The following BARX2 variants were observed in gnomAD, a reference collection of about 807,000 sequenced individuals.
BARX2 encodes the protein BARX homeobox 2.
A neutral mutation model predicts 25.5 loss-of-function variants in BARX2; 11 were observed. That is an observed-to-expected ratio of 0.43 (90% CI 0.27 to 0.71). The LOEUF (loss-of-function observed/expected upper bound fraction) is 0.71, where lower values mean the gene tolerates loss of function less well. BARX2 is among the 30% of genes least tolerant of loss of function. The pLI is 0.19. For synonymous variants in BARX2, 137 were observed against 149.5 expected (o/e 0.92, Z 0.61); for missense variants, 360 against 359.9 (o/e 1.00, Z 0.00).
chr11:129,421,545 A>G (rs1862004243), intron 1 of BARX2, among the ~76,000 whole-genome samples: 1 of 152,238 alleles, frequency 6.6e-6, no homozygotes, highest in Non-Finnish European at 1.5e-5. Context: ...GAGAAAATCA[A>G]TGGGATTCCA....
intron 1 of BARX2, among the ~76,000 whole-genome samples, chr11:129,392,541 A>G (rs1407804018): frequency 6.6e-6 from 1 of 152,230 alleles, no homozygotes; most frequent in Non-Finnish European, 1.5e-5. Context: ...CACACATAAC[A>G]GGAAACACTG....
In BARX2 at chr11:129,444,082, C is replaced by T. The variant is rs77160529; in HGVS notation, c.573+1163C>T. Among the ~76,000 whole-genome samples the T allele has an allele frequency of 3.9e-3, 588 of 151,546 alleles. 2 individuals are homozygous for T. Among genetic ancestry groups the T allele is most frequent in the African/African-American group, 0.013 (550 of 40,998 alleles). On this transcript the variant is annotated intron_variant, in intron 3 of 3. Transcript: ENST00000281437. ...GTTTTTCACAATAATCAAATAACTA[C>T]GGGGTTCTGCCAACCCCAGTTTTCA...
chr11:129,408,709 T>G (rs1861857391), intron 1 of BARX2, among the ~76,000 whole-genome samples: 1 of 152,178 alleles, frequency 6.6e-6, no homozygotes, highest in Admixed American at 6.5e-5. Flanking sequence ...CCATACATGC[T>G]CCATCACTGA....
intron 1 of BARX2, among the ~76,000 whole-genome samples, chr11:129,433,575 C>T (rs1862152793): frequency 6.6e-6 from 1 of 152,198 alleles, no homozygotes. Context: ...CCCTTGCCTA[C>T]TCTGCCTTTC....
intron 2 of BARX2, among the ~76,000 whole-genome samples, chr11:129,439,950 C>T (rs1591447283): frequency 6.6e-6 from 1 of 152,214 alleles, no homozygotes; most frequent in African/African-American, 2.4e-5. Context: ...CTTAAACCTC[C>T]TGGGGCTCCC....
At chr11:129,437,928 A>G (rs1418635619) in intron 2 of BARX2, 5 of 152,366 alleles carry the variant, frequency 3.3e-5, no homozygotes, top group Non-Finnish European at 7.3e-5. Flanking sequence ...CAAGAGGCTA[A>G]GATGGGAGGA....
At chr11:129,419,282 A>T (rs1323706757) in intron 1 of BARX2, among the ~76,000 whole-genome samples, 1 of 151,640 alleles carries the variant, frequency 6.6e-6, no homozygotes, top group Non-Finnish European at 1.5e-5. Flanking sequence ...AGTGTTTCAT[A>T]TTAGAAATCT....
At position 129,436,877 on chromosome 11, in the gene BARX2, C is replaced by T. The variant is rs143748790; in HGVS notation, c.314C>T (p.Ala105Val). Residue 105 changes from alanine to valine, a missense_variant, in exon 2 of 4, where the codon GCG (alanine) becomes GTG (valine). Physicochemically the swap from Ala to Val is moderately conservative, Grantham distance 64. Transcript: ENST00000281437. The surrounding 1 kb of genome is among the most constrained non-coding windows in gnomAD (Gnocchi z 4.5). ...QALSCHQVTE[A>V]VSAEAPGGEA... ...CTGTCCTGCCACCAGGTCACCGAGG[C>T]GGTCTCTGCTGAGGCCCCAGGGGGC... 1.1e-5 allele frequency: 18 copies of T among 1,614,052 alleles called. No homozygotes were observed. The East Asian group carries it at 2.2e-4, about 20-fold the overall frequency.
At chr11:129,381,011 G>A (rs1232036599) in intron 1 of BARX2, among the ~76,000 whole-genome samples, 2 of 152,012 alleles carry the variant, frequency 1.3e-5, no homozygotes, top group African/African-American at 2.4e-5. Flanking sequence ...TCCTAATCTC[G>A]TGATCCACCC....
chr11:129,377,255 G>A (rs1008942404), intron 1 of BARX2, among the ~76,000 whole-genome samples: 1 of 152,156 alleles, frequency 6.6e-6, no homozygotes, highest in Non-Finnish European at 1.5e-5. Context: ...CAACAGTTTT[G>A]GAAGATATTT....
At chr11:129,441,579 G>T (rs1348722253) in intron 2 of BARX2, among the ~76,000 whole-genome samples, 1 of 152,160 alleles carries the variant, frequency 6.6e-6, no homozygotes, top group African/African-American at 2.4e-5. Flanking sequence ...CTCCTTCGTA[G>T]CTGGGATTAC....
chr11:129,412,526 G>GTGTGC (rs1254035966), intron 1 of BARX2, among the ~76,000 whole-genome samples: 3 of 152,224 alleles, frequency 2.0e-5, no homozygotes, highest in Admixed American at 2.0e-4. Context: ...AGAGCAGGCA[G>GTGTGC]TGTGCCCAGA....
intron 1 of BARX2, among the ~76,000 whole-genome samples, chr11:129,430,236 T>G (rs116171091): frequency 3.9e-4 from 60 of 152,324 alleles, no homozygotes; most frequent in African/African-American, 1.4e-3. Flanking sequence ...CCATTTTAAG[T>G]CACTGAACTA....
chr11:129,394,475 G>T (rs920310381), intron 1 of BARX2, among the ~76,000 whole-genome samples: 1 of 152,104 alleles, frequency 6.6e-6, no homozygotes, highest in Non-Finnish European at 1.5e-5. Flanking sequence ...ATTTTAGGAC[G>T]CATGCTAACT....
At chr11:129,413,271 A>T (rs1349733004) in intron 1 of BARX2, among the ~76,000 whole-genome samples, 1 of 152,208 alleles carries the variant, frequency 6.6e-6, no homozygotes. Flanking sequence ...ACTTAAAGGA[A>T]TTTGTCAAAA....
intron 3 of BARX2, among the ~76,000 whole-genome samples, chr11:129,445,395 G>T (rs1453194610): frequency 1.3e-5 from 2 of 152,224 alleles, no homozygotes; most frequent in African/African-American, 2.4e-5. Flanking sequence ...TGCCAGCACC[G>T]CCCAGTGCCC....
At chr11:129,385,441 C>T (rs1276181285) in intron 1 of BARX2, among the ~76,000 whole-genome samples, 1 of 152,078 alleles carries the variant, frequency 6.6e-6, no homozygotes, top group Non-Finnish European at 1.5e-5. Flanking sequence ...TATATCCATG[C>T]AATGAAATTC....
chr11:129,410,196 G>A (rs751664599), intron 1 of BARX2, among the ~76,000 whole-genome samples: 22 of 152,188 alleles, frequency 1.4e-4, no homozygotes, highest in Middle Eastern at 3.4e-3. Context: ...ATATCCTTGC[G>A]TTTTAATCTA....
Position 129,430,617 on chromosome 11 carries a change from G to A in BARX2, c.188-6134G>A, listed in dbSNP as rs578240434. 4.6e-5 allele frequency among the ~76,000 whole-genome samples: 7 copies of A among 152,122 alleles called. No homozygotes were observed. In the East Asian group the frequency reaches 5.8e-4, roughly 13 times the overall value. The stretch of plus-strand genomic sequence containing the variant: ...TGCAAAAAATTATATAACCACCACC[G>A]TGGTTAAGATACAAAACAATCTTAG... On this transcript the variant is annotated intron_variant, in intron 1 of 3. Transcript: ENST00000281437.
Sources: gnomAD v4.1 joint callset for allele counts (sites outside exome capture counted in the v4.1 genomes callset) on GRCh38, gnomAD v4.1.1 for gene constraint, Gnocchi (gnomAD v3.1) non-coding constraint, MANE v1.5 for transcripts, NCBI Gene and HGNC (gene_info 2026-07-23, HGNC 2026-07-21) for gene names.